Variants in CCDC102B observed in about 807,000 individuals in gnomAD.
CCDC102B encodes coiled-coil domain containing 102B.
A neutral mutation model predicts 57.4 loss-of-function variants in CCDC102B; 75 were observed. That is an observed-to-expected ratio of 1.31 (90% CI 1.08 to 1.58). The LOEUF (loss-of-function observed/expected upper bound fraction) is 1.58. Ranked by LOEUF, CCDC102B falls within the 40% of genes most tolerant of loss-of-function variation. The probability of loss-of-function intolerance (pLI) is 0.00; values close to 1 mark genes in which losing one functional copy is unlikely to be tolerated. For synonymous variants in CCDC102B, 206 were observed against 201.9 expected (o/e 1.02, Z -0.17); for missense variants, 636 against 582.6 (o/e 1.09, Z -0.94).
intron 4 of CCDC102B, among the ~76,000 whole-genome samples, chr18:68,862,547 G>A (rs2038807707): frequency 6.6e-6 from 1 of 151,996 alleles, no homozygotes; most frequent in South Asian, 2.1e-4. Context: ...ATATTCATCT[G>A]CACCCCCACA....
chr18:68,782,509 A>G (rs1416120192), intron 2 of CCDC102B, among the ~76,000 whole-genome samples: 1 of 152,166 alleles, frequency 6.6e-6, no homozygotes, highest in East Asian at 1.9e-4. Flanking sequence ...ATTGCACTGC[A>G]TATTTCTTTT....
At chr18:68,875,148 G>A (rs1568304673) in intron 5 of CCDC102B, among the ~76,000 whole-genome samples, 1 of 151,970 alleles carries the variant, frequency 6.6e-6, no homozygotes, top group Non-Finnish European at 1.5e-5. Flanking sequence ...AATTTCTGGT[G>A]GAATTAACAT....
chr18:69,003,142 T>C (rs2145366171), intron 6 of CCDC102B, among the ~76,000 whole-genome samples: 1 of 152,018 alleles, frequency 6.6e-6, no homozygotes, highest in Admixed American at 6.6e-5. Flanking sequence ...TCTATATAAC[T>C]CCGGAACATG....
At chr18:68,743,445 A>T (rs1419304186) in intron 2 of CCDC102B, among the ~76,000 whole-genome samples, 3 of 150,952 alleles carry the variant, frequency 2.0e-5, no homozygotes, top group Non-Finnish European at 4.4e-5. Context: ...ACCATAAAAA[A>T]CTCCCTTGCA....
intron 3 of CCDC102B, among the ~76,000 whole-genome samples, chr18:68,845,374 CAA>C: frequency 6.6e-6 from 1 of 151,732 alleles, no homozygotes; most frequent in Admixed American, 6.6e-5. Flanking sequence ...ATGTAACTAA[CAA>C]TCACAAAATC....
intron 4 of CCDC102B, 120 bp from the exon 5 acceptor site, chr18:68,874,549 C>A (rs148395953): frequency 6.7e-6 from 4 of 600,458 alleles, no homozygotes; most frequent in Non-Finnish European, 1.2e-5. Context: ...AACAAGCCTG[C>A]CAGAATCCAC....
chr18:68,765,369 G>GA (rs1334628586), intron 2 of CCDC102B, among the ~76,000 whole-genome samples: 3 of 126,176 alleles, frequency 2.4e-5, no homozygotes, highest in African/African-American at 6.1e-5. Flanking sequence ...AAGAAAGAAA[G>GA]AAAGAAAGAA....
chr18:68,998,258 A>G (rs571688593), intron 6 of CCDC102B, among the ~76,000 whole-genome samples: 14 of 151,946 alleles, frequency 9.2e-5, no homozygotes, highest in East Asian at 1.9e-4. Context: ...AACTGTATGC[A>G]TATATCTATA....
chr18:68,792,624 T>C (rs1420472575), intron 2 of CCDC102B, among the ~76,000 whole-genome samples: 1 of 152,224 alleles, frequency 6.6e-6, no homozygotes, highest in African/African-American at 2.4e-5. Flanking sequence ...CCATTATTTC[T>C]TAACTGTCAG....
intron 2 of CCDC102B, among the ~76,000 whole-genome samples, chr18:68,727,814 C>T (rs569212416): frequency 6.6e-6 from 1 of 152,180 alleles, no homozygotes; most frequent in Non-Finnish European, 1.5e-5. Context: ...ATTACAGGCT[C>T]TGTTCCTGGC....
chr18:68,746,375 T>C (rs2033621177), intron 2 of CCDC102B, among the ~76,000 whole-genome samples: 1 of 152,142 alleles, frequency 6.6e-6, no homozygotes, highest in Admixed American at 6.6e-5. Context: ...TATGATAAAT[T>C]TCAAAGGGCT....
At chr18:68,854,806 T>C (rs66682982) in intron 4 of CCDC102B, among the ~76,000 whole-genome samples, 44,148 of 151,900 alleles carry the variant, frequency 0.29, 6,804 homozygotes, top group Non-Finnish European at 0.34. Context: ...CTTTAGGACA[T>C]GGGAAGGAAA....
intron 6 of CCDC102B, among the ~76,000 whole-genome samples, chr18:68,925,520 C>G (rs569960533): frequency 1.3e-4 from 19 of 151,964 alleles, no homozygotes; most frequent in Non-Finnish European, 2.2e-4. Flanking sequence ...ATTAGTTTTG[C>G]CTTTCCTTTT....
At chr18:68,890,773 T>C (rs191977428) in intron 5 of CCDC102B, among the ~76,000 whole-genome samples, 12 of 152,352 alleles carry the variant, frequency 7.9e-5, no homozygotes, top group Middle Eastern at 3.4e-3. Context: ...GTCTCATCTA[T>C]TGGTAGTTTT....
intron 1 of CCDC102B, among the ~76,000 whole-genome samples, chr18:68,805,754 G>T (rs2036011767): frequency 1.3e-5 from 2 of 152,100 alleles, no homozygotes; most frequent in African/African-American, 2.4e-5. Flanking sequence ...GAATTAATAG[G>T]AACTGAGAGG....
chr18:69,003,653 G>T (rs1029969064), intron 6 of CCDC102B, among the ~76,000 whole-genome samples: 3 of 152,150 alleles, frequency 2.0e-5, no homozygotes, highest in Non-Finnish European at 4.4e-5. Flanking sequence ...GTCTCTTCTA[G>T]CCAGTCAATC....
intron 2 of CCDC102B, among the ~76,000 whole-genome samples, chr18:68,722,899 C>CTTTTTTTTTTTTTTTTTTTTTTTTCCT (rs370512490): frequency 7.6e-6 from 1 of 131,820 alleles, no homozygotes; most frequent in Non-Finnish European, 1.6e-5. Context: ...TTTTTGCAAC[C>CTTTTTTTTTTTTTTTTTTTTTTTTCCT]TTTTTTTTTT....
chr18:69,020,817 G>C (rs1333745446), intron 7 of CCDC102B, among the ~76,000 whole-genome samples: 4 of 152,054 alleles, frequency 2.6e-5, no homozygotes, highest in Admixed American at 2.6e-4. Flanking sequence ...ACCAAAAAGA[G>C]GTTCTTATCA....
chr18:68,913,858 A>C (rs2040971378), intron 6 of CCDC102B, among the ~76,000 whole-genome samples: 1 of 152,134 alleles, frequency 6.6e-6, no homozygotes, highest in South Asian at 2.1e-4. Context: ...ATAAATTTAC[A>C]TACAGAGACA....
Sources: gnomAD v4.1 joint callset for allele counts (sites outside exome capture counted in the v4.1 genomes callset) on GRCh38, gnomAD v4.1.1 for gene constraint, MANE v1.5 for transcripts, NCBI Gene and HGNC (gene_info 2026-07-23, HGNC 2026-07-21) for gene names.